Variants in NPSR1 observed in about 807,000 individuals in gnomAD.
NPSR1 encodes the protein neuropeptide S receptor 1.
Under a neutral mutation model 46.9 loss-of-function variants are expected in NPSR1, and 48 were observed. That is an observed-to-expected ratio of 1.02 (90% CI 0.81 to 1.30). The LOEUF (loss-of-function observed/expected upper bound fraction) is 1.30, where lower values mean the gene tolerates loss of function less well. Among genes scored for constraint, NPSR1 ranks in the 50% most tolerant of loss-of-function variants. NPSR1 has a pLI of 0.00. For synonymous variants in NPSR1, 176 were observed against 168.1 expected, an observed-to-expected ratio of 1.05 and a Z score of -0.36; for missense variants, 450 against 449.5, an observed-to-expected ratio of 1.00 and a Z score of -0.01.
chr7:34,682,860 AGT>A (rs1216461185), intron 1 of NPSR1, among the ~76,000 whole-genome samples: 1 of 152,188 alleles, frequency 6.6e-6, no homozygotes, highest in Non-Finnish European at 1.5e-5. Context: ...CCAGAGAAAA[AGT>A]GTGTGGCTTG....
intron 2 of NPSR1, among the ~76,000 whole-genome samples, chr7:34,735,837 T>C (rs1376947071): frequency 6.6e-6 from 1 of 152,150 alleles, no homozygotes; most frequent in African/African-American, 2.4e-5. Flanking sequence ...AGTTAAATAA[T>C]AGATGGTAAA....
At chr7:34,792,722 T>TAG (rs111403993) in intron 3 of NPSR1, among the ~76,000 whole-genome samples, 1 of 125,960 alleles carries the variant, frequency 7.9e-6, no homozygotes, top group African/African-American at 3.0e-5. Flanking sequence ...TATTTATATA[T>TAG]ATATATATAT....
chr7:34,864,648 C>G (rs1584155449), intron 8 of NPSR1, among the ~76,000 whole-genome samples: 1 of 151,860 alleles, frequency 6.6e-6, no homozygotes, highest in Admixed American at 6.5e-5. Context: ...TCTCAATGTT[C>G]CTAGGCCATG....
At chr7:34,662,732 T>G (rs1365887144) in intron 1 of NPSR1, among the ~76,000 whole-genome samples, 1 of 152,196 alleles carries the variant, frequency 6.6e-6, no homozygotes, top group African/African-American at 2.4e-5. Context: ...CCAGACCTAG[T>G]GCTCTGCTTT....
At chr7:34,815,932 G>A (rs1789225134) in intron 4 of NPSR1, among the ~76,000 whole-genome samples, 1 of 152,170 alleles carries the variant, frequency 6.6e-6, no homozygotes, top group South Asian at 2.1e-4. Flanking sequence ...AATATGGAAA[G>A]GAACAACCAG....
At chr7:34,848,883 A>G (rs1424315094) in intron 8 of NPSR1, among the ~76,000 whole-genome samples, 1 of 152,214 alleles carries the variant, frequency 6.6e-6, no homozygotes, top group Non-Finnish European at 1.5e-5. Flanking sequence ...AACACCTCCT[A>G]TAGAAACCGC....
chr7:34,720,792 A>T (rs1268802154), intron 2 of NPSR1, among the ~76,000 whole-genome samples: 24 of 152,210 alleles, frequency 1.6e-4, no homozygotes, highest in Non-Finnish European at 1.0e-4. Context: ...TTCACTGTAC[A>T]ATGAACAGAA....
At chr7:34,729,832 G>A (rs547728741) in intron 2 of NPSR1, among the ~76,000 whole-genome samples, 2 of 152,190 alleles carry the variant, frequency 1.3e-5, no homozygotes, top group Admixed American at 1.3e-4. Flanking sequence ...GAGTGCAATG[G>A]CACGATCTCA....
intron 2 of NPSR1, among the ~76,000 whole-genome samples, chr7:34,755,153 G>T (rs1785759920): frequency 6.6e-6 from 1 of 152,164 alleles, no homozygotes; most frequent in African/African-American, 2.4e-5. Context: ...AAGCAGAATT[G>T]CTGGGTCATA....
intron 2 of NPSR1, chr7:34,710,819 A>G (rs998627069): frequency 4.1e-5 from 21 of 516,864 alleles, no homozygotes; most frequent in South Asian, 6.3e-5. Context: ...AGAAAAAGCA[A>G]AGGAATTTCA....
intron 8 of NPSR1, among the ~76,000 whole-genome samples, chr7:34,870,064 C>CT (rs1167853884): frequency 6.6e-6 from 1 of 151,846 alleles, no homozygotes; most frequent in Non-Finnish European, 1.5e-5. Context: ...CTAGAAATCT[C>CT]TTCTTCTTGT....
At chr7:34,693,830 C>G (rs1241445427) in intron 2 of NPSR1, among the ~76,000 whole-genome samples, 1 of 152,118 alleles carries the variant, frequency 6.6e-6, no homozygotes, top group African/African-American at 2.4e-5. Context: ...TCCATGGATG[C>G]AAGGATGATT....
At chr7:34,704,345 T>C (rs1286062594) in intron 2 of NPSR1, 1 of 128,940 alleles carries the variant, frequency 7.8e-6, no homozygotes, top group Non-Finnish European at 1.7e-5. Flanking sequence ...AAGTAGTTCC[T>C]CTTTCACCCA....
At chr7:34,878,301 G>C (rs1584169385) in exon 9 of NPSR1, 2 of 536,432 alleles carry the variant, frequency 3.7e-6, no homozygotes, top group East Asian at 6.3e-5. Context: ...GCCTGCATCA[G>C]ATTCACCAGG....
intron 3 of NPSR1, among the ~76,000 whole-genome samples, chr7:34,782,258 G>T (rs1787262052): frequency 6.6e-6 from 1 of 152,114 alleles, no homozygotes; most frequent in Admixed American, 6.6e-5. Flanking sequence ...TCAGACCTCA[G>T]TTTCATGGCT....
At chr7:34,831,003 C>G (rs1562761799) in intron 5 of NPSR1, among the ~76,000 whole-genome samples, 1 of 152,128 alleles carries the variant, frequency 6.6e-6, no homozygotes, top group Non-Finnish European at 1.5e-5. Context: ...TTTCCAATAC[C>G]AACTCCACAG....
intron 4 of NPSR1, among the ~76,000 whole-genome samples, chr7:34,815,775 G>C (rs1789216713): frequency 6.6e-6 from 1 of 152,146 alleles, no homozygotes; most frequent in African/African-American, 2.4e-5. Context: ...CATTCTTAAA[G>C]AGAAGAATTT....
chr7:34,750,509 G>A, intron 2 of NPSR1: 1 of 711,002 alleles, frequency 1.4e-6, no homozygotes. Context: ...TGGTTTCTTG[G>A]CTGTTGGGGC....
intron 2 of NPSR1, among the ~76,000 whole-genome samples, chr7:34,726,126 A>G (rs1446564373): frequency 6.6e-6 from 1 of 152,184 alleles, no homozygotes; most frequent in Non-Finnish European, 1.5e-5. Context: ...TAATACAACT[A>G]TGGTACAAAA....
Sources: allele counts gnomAD v4.1 joint callset (sites outside exome capture counted in the v4.1 genomes callset), GRCh38; gene constraint gnomAD v4.1.1; transcripts MANE v1.5; gene names NCBI Gene and HGNC (gene_info 2026-07-23, HGNC 2026-07-21).